Variants in CNTN3 observed in about 807,000 individuals in gnomAD.
CNTN3 encodes the protein contactin-3.
In CNTN3, 60 loss-of-function variants were observed where a neutral mutation model predicts 119.1. The ratio of observed to expected loss-of-function variants is 0.50; its 90% CI spans 0.41 to 0.62. The LOEUF (loss-of-function observed/expected upper bound fraction) is 0.62, where lower values mean the gene tolerates loss of function less well. CNTN3 is among the 20% of genes least tolerant of loss of function. CNTN3 has a pLI of 0.00. For missense variants in CNTN3, 1,101 were observed against 1,242.4 expected (o/e 0.89, Z 1.71); for synonymous variants, 450 against 438.7 (o/e 1.03, Z -0.32).
chr3:74,484,468 T>C (rs895149774), intron 4 of CNTN3, among the ~76,000 whole-genome samples: 1 of 152,012 alleles, frequency 6.6e-6, no homozygotes, highest in Non-Finnish European at 1.5e-5. Flanking sequence ...CCAATATAGA[T>C]GATCATGCCA....
At chr3:74,589,728 A>C (rs1281247581) in intron 1 of CNTN3, among the ~76,000 whole-genome samples, 77 of 150,972 alleles carry the variant, frequency 5.1e-4, no homozygotes, top group Admixed American at 1.8e-3. Context: ...CAATGATAGA[A>C]TGGATTAAGA....
At chr3:74,442,427 T>C (rs1291150556) in intron 4 of CNTN3, among the ~76,000 whole-genome samples, 3 of 152,172 alleles carry the variant, frequency 2.0e-5, no homozygotes, top group Non-Finnish European at 4.4e-5. Flanking sequence ...CTTTAAAAAT[T>C]CTGTTTCATG....
At chr3:74,550,392 C>T (rs185357328) in intron 1 of CNTN3, among the ~76,000 whole-genome samples, 1 of 152,204 alleles carries the variant, frequency 6.6e-6, no homozygotes, top group Non-Finnish European at 1.5e-5. Context: ...GGAGTGGGCA[C>T]AAAATGTGAA....
chr3:74,395,378 T>TAC (rs35050785), intron 5 of CNTN3, among the ~76,000 whole-genome samples: 56,640 of 150,290 alleles, frequency 0.38, 11,294 homozygotes, highest in East Asian at 0.64. Flanking sequence ...CACACACACA[T>TAC]ACACACACAC....
At chr3:74,352,818 C>A (rs549497595) in intron 11 of CNTN3, among the ~76,000 whole-genome samples, 32 of 152,224 alleles carry the variant, frequency 2.1e-4, no homozygotes, top group Middle Eastern at 3.4e-3. Flanking sequence ...AAGTAAGATA[C>A]AAAAGCAAAA....
chr3:74,450,334 G>C (rs777460878), intron 4 of CNTN3, among the ~76,000 whole-genome samples: 1 of 151,934 alleles, frequency 6.6e-6, no homozygotes, highest in African/African-American at 2.4e-5. Flanking sequence ...ATACATTATT[G>C]TTGGTGAAAA....
intron 13 of CNTN3, among the ~76,000 whole-genome samples, chr3:74,317,578 A>G (rs1463220515): frequency 2.0e-5 from 3 of 152,030 alleles, no homozygotes; most frequent in African/African-American, 7.2e-5. Flanking sequence ...AAAGGATTTT[A>G]TTTCTCCTTC....
At position 74,433,568 on chromosome 3, in the gene CNTN3, G is replaced by A. The variant is rs184172313; in HGVS notation, c.359-8628C>T. Among the ~76,000 whole-genome samples the A allele has an allele frequency of 4.2e-3, 641 of 152,254 alleles. 3 individuals carry two copies. The highest frequency in any genetic ancestry group is 6.2e-3 in the Non-Finnish European group (425 of 68,002). ...AACCTGGAAAATGCAGGCACAGGGT[G>A]GACCCTAAGCACCTAAGTATACTCT... On this transcript the variant is annotated intron_variant, in intron 4 of 22. Transcript: ENST00000263665.
rs1703349665 is a variant in CNTN3 at position 74,334,846 on chromosome 3, C to G, written c.1557G>C (p.Leu519Phe). 1 of 1,613,554 alleles carries G rather than the reference C, an allele frequency of 6.2e-7. No individual in the cohort carries two copies. Among genetic ancestry groups the G allele is most frequent in the African/African-American group, 1.3e-5 (1 of 74,960 alleles). ...MDVSVGESVI[L>F]PCQVQHDPLL... is the part of the protein sequence containing the mutation. ...GCGGGTCATGTTGTACCTGGCAGGG[C>G]AATATGACGCTTTCACCAACAGAAA... Residue 519 changes from leucine (L) to phenylalanine (F), a missense_variant, in exon 13 of 23, where the codon TTG becomes TTC. Coordinates refer to ENST00000263665, the MANE Select transcript of CNTN3 (RefSeq NM_020872.3).
chr3:74,285,239 G>C (rs1365206987), intron 20 of CNTN3, 66 bp downstream of exon 20: 4 of 1,459,550 alleles, frequency 2.7e-6, no homozygotes, highest in Non-Finnish European at 3.7e-6. Flanking sequence ...TCAAATAATA[G>C]AGAAGGCTAT....
At chr3:74,454,029 G>A (rs1176541643) in intron 4 of CNTN3, among the ~76,000 whole-genome samples, 10 of 145,140 alleles carry the variant, frequency 6.9e-5, no homozygotes, top group East Asian at 2.0e-4. Context: ...TATTAGGTCC[G>A]CTTGGTGCAG....
At chr3:74,449,298 A>C (rs549055612) in intron 4 of CNTN3, among the ~76,000 whole-genome samples, 1 of 152,054 alleles carries the variant, frequency 6.6e-6, no homozygotes, top group African/African-American at 2.4e-5. Flanking sequence ...TTTTTAGAGG[A>C]GGTTCTGAGT....
intron 1 of CNTN3, among the ~76,000 whole-genome samples, chr3:74,566,663 C>G (rs532978454): frequency 6.6e-6 from 1 of 152,206 alleles, no homozygotes; most frequent in Admixed American, 6.5e-5. Flanking sequence ...TAGGGCACAC[C>G]CTAATCCAGT....
rs147071434 is a variant in CNTN3 at position 74,304,971 on chromosome 3, A to C, written c.1669-2164T>G. On this transcript the variant is annotated intron_variant, in intron 13 of 22. Coordinates refer to ENST00000263665, the MANE Select transcript of CNTN3 (RefSeq NM_020872.3). ...TTTGTATTATTCCTCTTCTAATGCT[A>C]TCTCTCTCCCACTCTATGATCTTTT... Among the ~76,000 whole-genome samples the C allele has an allele frequency of 1.9e-4, 29 of 152,270 alleles. No individual in the cohort carries two copies. In the East Asian group the frequency reaches 4.8e-3, roughly 25 times the overall value.
At position 74,371,898 on chromosome 3, in the gene CNTN3, C is replaced by T. The variant is rs557450213; in HGVS notation, c.455-499G>A. ...CTCTTTTGTCCCTGAGTCTTTTGCA[C>T]GTGCTGCTTCTGGGGCCTACAACTC... is the stretch of plus-strand genomic sequence containing the variant. On this transcript the variant is annotated intron_variant, in intron 5 of 22. Transcript: ENST00000263665. 2.0e-4 allele frequency among the ~76,000 whole-genome samples: 30 copies of T among 152,188 alleles called. No individual in the cohort carries two copies. In the South Asian group the frequency reaches 6.0e-3, roughly 31 times the overall value.
rs71129762 is a variant in CNTN3, at chr3:74,575,606, AACACACAC to A, written c.-81+38777_-81+38784del. Among the ~76,000 whole-genome samples the A allele has an allele frequency of 2.3e-4, 31 of 135,170 alleles. 1 individual carries two copies. The South Asian group carries it at 3.6e-3, about 16-fold the overall frequency. 88.7% of individuals were successfully genotyped at this position (135,170 alleles called of 152,430 possible). A position where few individuals can be genotyped will look rare whatever the true frequency, so the allele number is the denominator to read the frequency against. ...ATTCATTTCCTCTTCAGTCTCTCCC[AACACACAC>A]ACACACACACACACACACACACACA... On this transcript the variant is annotated intron_variant, in intron 1 of 22. Coordinates refer to ENST00000263665, the MANE Select transcript of CNTN3 (RefSeq NM_020872.3).
chr3:74,442,393 G>A (rs962386404), intron 4 of CNTN3, among the ~76,000 whole-genome samples: 9 of 151,740 alleles, frequency 5.9e-5, no homozygotes, highest in African/African-American at 1.7e-4. Context: ...CATTTTTATC[G>A]AATAATAGCC....
chr3:74,564,909 G>C (rs1404093434), intron 1 of CNTN3, among the ~76,000 whole-genome samples: 1 of 151,964 alleles, frequency 6.6e-6, no homozygotes, highest in Non-Finnish European at 1.5e-5. Flanking sequence ...AGAACAGGCT[G>C]GTACTAAGAC....
intron 20 of CNTN3, among the ~76,000 whole-genome samples, chr3:74,278,548 T>C (rs571539381): frequency 1.4e-4 from 22 of 152,248 alleles, no homozygotes; most frequent in Non-Finnish European, 2.5e-4. Context: ...TATAATTGGC[T>C]AGCCACATGT....
Sources: gnomAD v4.1 joint callset for allele counts (sites outside exome capture counted in the v4.1 genomes callset) on GRCh38, gnomAD v4.1.1 for gene constraint, MANE v1.5 for transcripts, NCBI Gene and HGNC (gene_info 2026-07-23, HGNC 2026-07-21) for gene names.